Variants in EVL observed in about 807,000 individuals in gnomAD.
EVL encodes Enah/Vasp-like, also known as ena/VASP-like protein.
A neutral mutation model predicts 59.6 loss-of-function variants in EVL; 21 were observed. The ratio of observed to expected loss-of-function variants is 0.35; its 90% CI spans 0.25 to 0.51. EVL has a LOEUF of 0.51. EVL is among the 20% of genes least tolerant of loss of function. The pLI, the probability that EVL is intolerant of heterozygous loss-of-function variation, is 0.97. For synonymous variants in EVL, 198 were observed against 203.5 expected (o/e 0.97, Z 0.23); for missense variants, 462 against 546.6 (o/e 0.85, Z 1.54).
At chr14:100,131,212 T>C (rs974346480) in intron 7 of EVL, among the ~76,000 whole-genome samples, 4 of 152,078 alleles carry the variant, frequency 2.6e-5, no homozygotes, top group Admixed American at 6.6e-5. Context: ...AAAGAAAATA[T>C]GAATGCTTTC....
intron 2 of EVL, among the ~76,000 whole-genome samples, chr14:100,085,336 A>T (rs2062416418): frequency 6.6e-6 from 1 of 152,204 alleles, no homozygotes. Flanking sequence ...TTGTGAGTGT[A>T]CCTGGTAAAT....
chr14:100,068,203 T>G (rs1595124723), intron 1 of EVL, among the ~76,000 whole-genome samples: 1 of 151,554 alleles, frequency 6.6e-6, no homozygotes, highest in African/African-American at 2.4e-5. Context: ...AATCTGAAGG[T>G]TTTGGGGTGG....
Position 100,047,114 on chromosome 14 carries a change from C to CTTTTTTTTTTTTTTTTTTTTTTTTTTTT in EVL, c.6-37572_6-37571insTTTTTTTTTTTTTTTTTTTTTTTTTTTT, listed in dbSNP as rs1379774654. ...ATTTTGAGACCTTGGGCAGATCTCTCTCTCTTTTTTTTTTTTTTTTTTTTT... is the reference window on the plus strand; with the variant it reads ...ATTTTGAGACCTTGGGCAGATCTCTCTTTTTTTTTTTTTTTTTTTTTTTTTTTTTCTCTTTTTTTTTTTTTTTTTTTTT... On this transcript the variant is annotated intron_variant, in intron 1 of 13. Coordinates refer to the EVL transcript ENST00000402714. Among the ~76,000 whole-genome samples, 16 of 95,106 alleles carry CTTTTTTTTTTTTTTTTTTTTTTTTTTTT rather than the reference C, an allele frequency of 1.7e-4. 3 individuals are homozygous for CTTTTTTTTTTTTTTTTTTTTTTTTTTTT. Among genetic ancestry groups the CTTTTTTTTTTTTTTTTTTTTTTTTTTTT allele is most frequent in the East Asian group, 7.3e-4 (2 of 2,732 alleles). The allele number at this position is 95,106 out of a possible 152,430, so 62.4% of individuals were successfully genotyped here.
chr14:100,102,116 T>G (rs2140328264), intron 3 of EVL, among the ~76,000 whole-genome samples: 1 of 152,318 alleles, frequency 6.6e-6, no homozygotes, highest in East Asian at 1.9e-4. Context: ...GGGATTAAGG[T>G]GTAAGTCACC....
chr14:100,083,844 A>G (rs552847846), intron 1 of EVL, among the ~76,000 whole-genome samples: 3 of 152,298 alleles, frequency 2.0e-5, no homozygotes, highest in Admixed American at 2.0e-4. Flanking sequence ...TGCAAAGAAT[A>G]TTATCTATGT....
At position 100,020,642 on chromosome 14, in the gene EVL, C is replaced by T. The variant is rs756386169; in HGVS notation, c.5+48585C>T. ...GCCTTTTTTATTCCTCCAAATGTTG[C>T]TGCGGTAGACATTAAAACAATAAGA... On this transcript the variant is annotated intron_variant, in intron 1 of 13. Transcript: ENST00000402714. Among the ~76,000 whole-genome samples, 4 of 152,270 alleles carry T rather than the reference C, an allele frequency of 2.6e-5. No individual in the cohort carries two copies. The East Asian group carries it at 7.7e-4, about 29-fold the overall frequency.
At chr14:100,113,220 G>A (rs190132624) in intron 3 of EVL, among the ~76,000 whole-genome samples, 78 of 152,242 alleles carry the variant, frequency 5.1e-4, no homozygotes, top group African/African-American at 1.7e-3. Context: ...GGATGCATGC[G>A]GGAGAAGAGA....
chr14:100,133,619 TC>T (rs1212040896), intron 8 of EVL, among the ~76,000 whole-genome samples: 4 of 152,130 alleles, frequency 2.6e-5, no homozygotes, highest in African/African-American at 7.2e-5. Context: ...AGCCTGCACT[TC>T]CCTGCATCAC....
rs190989830 is a variant in EVL, at chr14:100,038,062, G to T, written c.6-46625G>T. Among the ~76,000 whole-genome samples, 7 of 152,300 alleles carry T rather than the reference G, an allele frequency of 4.6e-5. No individual in the cohort carries two copies. The East Asian group carries it at 9.7e-4, about 21-fold the overall frequency. ...AACTAGCTCTGTGGATTCCCATTCT[G>T]CTGCTTTTCAGTGAGGGGAAAGTGT... On this transcript the variant is annotated intron_variant, in intron 1 of 13. Coordinates refer to the EVL transcript ENST00000402714.
At chr14:100,048,456 A>C (rs2061591392) in intron 1 of EVL, among the ~76,000 whole-genome samples, 1 of 152,214 alleles carries the variant, frequency 6.6e-6, no homozygotes, top group African/African-American at 2.4e-5. Flanking sequence ...CACTTACTAG[A>C]GTGACTAAGA....
At chr14:100,023,146 G>A (rs2061154168) in intron 1 of EVL, among the ~76,000 whole-genome samples, 2 of 151,954 alleles carry the variant, frequency 1.3e-5, no homozygotes, top group South Asian at 4.2e-4. Context: ...CACCAGGCAA[G>A]CTGTTCTAGC....
chr14:100,072,536 G>T (rs189443901), intron 1 of EVL, among the ~76,000 whole-genome samples: 6 of 152,306 alleles, frequency 3.9e-5, no homozygotes, highest in Admixed American at 3.9e-4. Flanking sequence ...TATGGACTCT[G>T]TATTAGATTT....
intron 1 of EVL, among the ~76,000 whole-genome samples, chr14:100,051,819 T>C (rs186741417): frequency 6.6e-6 from 1 of 152,306 alleles, no homozygotes; most frequent in East Asian, 1.9e-4. Flanking sequence ...TCCAGGCCAA[T>C]GTCGATCTGT....
chr14:100,045,422 A>G (rs972946350), intron 1 of EVL, among the ~76,000 whole-genome samples: 1 of 152,146 alleles, frequency 6.6e-6, no homozygotes, highest in Non-Finnish European at 1.5e-5. Flanking sequence ...TTTACTTCCT[A>G]TCCGTGGTGT....
intron 2 of EVL, chr14:100,097,173 C>A (rs918252854): frequency 4.1e-6 from 1 of 241,872 alleles, no homozygotes; most frequent in Non-Finnish European, 8.0e-6. Context: ...GCAGTGACTG[C>A]CATGAGTGGA....
chr14:100,056,042 C>G (rs549727090), intron 1 of EVL, among the ~76,000 whole-genome samples: 1 of 152,174 alleles, frequency 6.6e-6, no homozygotes, highest in Admixed American at 6.5e-5. Flanking sequence ...GAACTCCTGA[C>G]CTCACGATCC....
chr14:100,084,964 T>C, intron 2 of EVL, 109 bp downstream of exon 2: 4 of 1,251,836 alleles, frequency 3.2e-6, no homozygotes, highest in Non-Finnish European at 4.4e-6. Flanking sequence ...AGGTCAATAT[T>C]CGGAATCAGA....
chr14:100,060,347 C>A (rs1254061960), intron 1 of EVL, among the ~76,000 whole-genome samples: 1 of 149,830 alleles, frequency 6.7e-6, no homozygotes, highest in African/African-American at 2.5e-5. Context: ...AGGAGAATGG[C>A]GTGAACCCGG....
rs978167695 is a variant in EVL at position 100,084,922 on chromosome 14, C to T, written c.180+67C>T. The T allele has an allele frequency of 4.5e-6, 7 of 1,548,134 alleles. No homozygotes were observed. The African/African-American group carries it at 5.4e-5, about 12-fold the overall frequency. ...CCACCTCCTCACCGCCCACCCCTTACACACATGTATCATTAAGAGGTCAGA... is the reference window on the plus strand; with the variant it reads ...CCACCTCCTCACCGCCCACCCCTTATACACATGTATCATTAAGAGGTCAGA... On this transcript the variant is annotated intron_variant, in intron 2 of 13. Coordinates refer to ENST00000392920, the MANE Select transcript of EVL (RefSeq NM_016337.3).
Sources: gnomAD v4.1 joint callset for allele counts (sites outside exome capture counted in the v4.1 genomes callset) on GRCh38, gnomAD v4.1.1 for gene constraint, MANE v1.5 for transcripts, NCBI Gene and HGNC (gene_info 2026-07-23, HGNC 2026-07-21) for gene names.